TTC31: variants seen among roughly 807,000 people sequenced by gnomAD.
TTC31 encodes the protein tetratricopeptide repeat domain 31, also known as tetratricopeptide repeat protein 31.
TTC31 carries 59 observed loss-of-function variants against 60.4 expected under a neutral mutation model. The ratio of observed to expected loss-of-function variants is 0.98; its 90% confidence interval spans 0.79 to 1.21. The LOEUF (loss-of-function observed/expected upper bound fraction) is 1.21. Ranked by LOEUF, TTC31 falls within the 50% of genes most tolerant of loss-of-function variation. The pLI is 0.00. For synonymous variants in TTC31, 225 were observed against 249.6 expected, an observed-to-expected ratio of 0.90 and a Z score of 0.93; for missense variants, 672 against 646.9, an observed-to-expected ratio of 1.04 and a Z score of -0.42.
chr2:74,487,332 C>A (rs957106382), intron 2 of TTC31, among the ~76,000 whole-genome samples: 1 of 152,188 alleles, frequency 6.6e-6, no homozygotes, highest in Non-Finnish European at 1.5e-5. Context: ...AATTCTCCTA[C>A]CTCAGCCTCC....
intron 2 of TTC31, among the ~76,000 whole-genome samples, chr2:74,485,616 G>A (rs1368227776): frequency 1.3e-5 from 2 of 151,096 alleles, no homozygotes; most frequent in South Asian, 2.1e-4. Flanking sequence ...GACTACAGGC[G>A]CCTGCCACCA....
At position 74,491,322 on chromosome 2, in the gene TTC31, A is replaced by G; in HGVS notation, c.631A>G (p.Ser211Gly). ...CAGCACTACCTCAGATGGAGATGAG[A>G]GCCCCCCATCCAGCCCTGGAAACCC... is the stretch of plus-strand genomic sequence containing the variant. ...KASTTSDGDESPPSSPGNPVQ... is the reference protein window; with the variant it reads ...KASTTSDGDEGPPSSPGNPVQ... The change falls in exon 7 of 13, where the codon AGC becomes GGC. Residue 211 changes from serine (S) to glycine (G), a missense_variant. Transcript: ENST00000233623. 2.5e-6 allele frequency: 4 copies of G among 1,614,114 alleles called. No homozygotes were observed. Among genetic ancestry groups the G allele is most frequent in the Non-Finnish European group, 3.4e-6 (4 of 1,180,030 alleles).
At position 74,492,029 on chromosome 2, in the gene TTC31, C is replaced by T. The variant is rs1205492566; in HGVS notation, c.902C>T (p.Ala301Val). Residue 301 changes from alanine to valine, a missense_variant, in exon 9 of 13, where the codon GCC becomes GTC. By Grantham distance (64) the Ala-to-Val change is moderately conservative. Coordinates refer to ENST00000233623, the MANE Select transcript of TTC31 (RefSeq NM_022492.6). ...VQASPGLLAA[A>V]LQQSQELAKL... ...GCATCTCCGGGACTGCTGGCAGCTG[C>T]CTTACAACAGAGCCAGGAACTGGCA... 6.2e-7 allele frequency: 1 copy of T among 1,614,250 alleles called. No individual in the cohort carries two copies. Among genetic ancestry groups the T allele is most frequent in the African/African-American group, 1.3e-5 (1 of 75,072 alleles).
At chr2:74,486,190 C>T (rs1012626333) in intron 2 of TTC31, among the ~76,000 whole-genome samples, 1 of 151,846 alleles carries the variant, frequency 6.6e-6, no homozygotes, top group Admixed American at 6.6e-5. Flanking sequence ...TGCTTGAACC[C>T]AGGAGATGGA....
In TTC31 at chr2:74,493,854, A is replaced by G. The variant is rs1206457465; in HGVS notation, c.*636A>G. On this transcript the variant is annotated 3_prime_UTR_variant, in exon 13 of 13. Coordinates refer to ENST00000233623, the MANE Select transcript of TTC31 (RefSeq NM_022492.6). ...AAGTCCCTTACCAGCTCCTGCTTAGAGCTGGTAGGGCCATACATGTCCACA... is the reference window on the plus strand; with the variant it reads ...AAGTCCCTTACCAGCTCCTGCTTAGGGCTGGTAGGGCCATACATGTCCACA... 6.6e-6 allele frequency: 1 copy of G among 152,314 alleles called. No individual in the cohort carries two copies. The highest frequency in any genetic ancestry group is 1.5e-5 in the Non-Finnish European group (1 of 68,166). 9.4% of individuals were successfully genotyped at this position (152,314 alleles called of 1,614,324 possible).
chr2:74,488,990 A>C (rs987622720), intron 2 of TTC31, among the ~76,000 whole-genome samples: 2 of 152,198 alleles, frequency 1.3e-5, no homozygotes, highest in African/African-American at 4.8e-5. Flanking sequence ...CGGGAGGCAG[A>C]GGTTGCAGTG....
Position 74,493,104 on chromosome 2 carries a change from C to G in TTC31, c.1446C>G (p.Asn482Lys). 1.2e-6 allele frequency: 2 copies of G among 1,614,162 alleles called. No individual in the cohort carries two copies. The highest frequency in any genetic ancestry group is 1.7e-5 in the Admixed American group (1 of 60,016). The change falls in exon 13 of 13, where the codon AAC (asparagine) becomes AAG (lysine). Residue 482 changes from asparagine to lysine, a missense_variant. Transcript: ENST00000233623. ...HYPSCHRSHP[N>K]QPLSQTQSRR... Reference sequence around the variant, plus strand: ...CTTCATGTCACCGAAGCCACCCCAACCAGCCCCTCTCCCAGACTCAGAGTA... The same window carrying G: ...CTTCATGTCACCGAAGCCACCCCAAGCAGCCCCTCTCCCAGACTCAGAGTA...
At position 74,491,035 on chromosome 2, in the gene TTC31, A is replaced by G; in HGVS notation, c.547-93A>G. On this transcript the variant is annotated intron_variant, in intron 5 of 12. Coordinates refer to ENST00000233623, the MANE Select transcript of TTC31 (RefSeq NM_022492.6). Reference sequence around the variant, plus strand: ...TGAGGATAATAATGATGCCTGTCTCATAGAGCTGCAAAGATGGAATGCGAA... The same window carrying G: ...TGAGGATAATAATGATGCCTGTCTCGTAGAGCTGCAAAGATGGAATGCGAA... The G allele has an allele frequency of 2.0e-6, 3 of 1,525,904 alleles. No individual in the cohort carries two copies. The South Asian group carries it at 3.4e-5, about 17-fold the overall frequency. The allele number at this position is 1,525,904 out of a possible 1,614,324, so 94.5% of individuals were successfully genotyped here. A position where few individuals can be genotyped will look rare whatever the true frequency, so the allele number is the denominator to read the frequency against.
chr2:74,493,966 G>C lies in TTC31; in HGVS notation c.*748G>C, dbSNP rs901278084. ...TTGGCCACTCTGTTTCTCCACCCCA[G>C]CACTGGGCATGGTAATTAGCCTTTC... On this transcript the variant is annotated 3_prime_UTR_variant, in exon 13 of 13. Transcript: ENST00000233623. The C allele has an allele frequency of 6.6e-5, 10 of 152,244 alleles. No homozygotes were observed. Among genetic ancestry groups the C allele is most frequent in the African/African-American group, 2.4e-4 (10 of 41,444 alleles). The allele number at this position is 152,244 out of a possible 1,614,324, so 9.4% of individuals were successfully genotyped here.
rs777056785 is a variant in TTC31, at chr2:74,490,287, A to G, written c.276A>G (p.Gly92=). The G allele has an allele frequency of 6.2e-7, 1 of 1,614,126 alleles. No homozygotes were observed. The highest frequency in any genetic ancestry group is 1.1e-5 in the South Asian group (1 of 91,084). ...GHLDDEGKST[G]QSDRGKGAEG... is the part of the protein sequence containing the mutation. The stretch of plus-strand genomic sequence containing the variant: ...TGGATGATGAAGGGAAATCAACTGG[A>G]CAGAGTGACAGGGGCAAGGGGGCTG... Residue 92 remains glycine (G), a synonymous_variant, in exon 4 of 13, where the codon GGA becomes GGG. Transcript: ENST00000233623.
rs550509978 is a variant in TTC31 at position 74,492,692 on chromosome 2, G to T, written c.1208G>T (p.Gly403Val). 2 of 1,614,188 alleles carry T rather than the reference G, an allele frequency of 1.2e-6. No homozygotes were observed. The highest frequency in any genetic ancestry group is 1.1e-5 in the South Asian group (1 of 91,082). ...AAVFQETLRG[G>V]SQPDAARELR... The stretch of plus-strand genomic sequence containing the variant: ...GTGTTTCAGGAAACTCTGAGAGGTG[G>T]GTCCCAGCCTGACGCAGCCCGAGAG... Residue 403 changes from glycine to valine, a missense_variant, in exon 12 of 13, where the codon GGG becomes GTG. Coordinates refer to ENST00000233623, the MANE Select transcript of TTC31 (RefSeq NM_022492.6).
In TTC31 at chr2:74,485,024, CTT is replaced by C. The variant is rs544658393; in HGVS notation, c.129+1633_129+1634del. On this transcript the variant is annotated intron_variant, in intron 2 of 12. Coordinates refer to ENST00000233623, the MANE Select transcript of TTC31 (RefSeq NM_022492.6). The stretch of plus-strand genomic sequence containing the variant: ...ACATTTAGTTAGTCACTAAAATTTA[CTT>C]TTTTTTTTTTTTTTTTTTGAGACAG... Among the ~76,000 whole-genome samples the C allele has an allele frequency of 1.2e-3, 143 of 122,898 alleles. 1 individual carries two copies. The highest frequency in any genetic ancestry group is 4.1e-3 in the African/African-American group (134 of 32,930). 80.6% of individuals were successfully genotyped at this position (122,898 alleles called of 152,430 possible).
Position 74,491,190 on chromosome 2 carries a change from T to C in TTC31, c.603+6T>C, listed in dbSNP as rs1249183096. 1.2e-6 allele frequency: 2 copies of C among 1,613,852 alleles called. No individual in the cohort carries two copies. Among genetic ancestry groups the C allele is most frequent in the Admixed American group, 1.7e-5 (1 of 59,962 alleles). On this transcript the variant is annotated splice_donor_region_variant and intron_variant, in intron 6 of 12. Transcript: ENST00000233623. ...AGTACTGTGGGGAGCCCAAGGTGAGTATCTAGGGCAGGTACTAAGAGCACC... is the reference window on the plus strand; with the variant it reads ...AGTACTGTGGGGAGCCCAAGGTGAGCATCTAGGGCAGGTACTAAGAGCACC...
In TTC31 at chr2:74,490,758, G is replaced by C; in HGVS notation, c.546+19G>C. On this transcript the variant is annotated intron_variant, in intron 5 of 12. Coordinates refer to ENST00000233623, the MANE Select transcript of TTC31 (RefSeq NM_022492.6). ...GAAGAAGGTGGCTAGAGCATGGCTG[G>C]AGGGTGCAGGGGAGCCAAAGGGATT... 1 of 1,607,494 alleles carries C rather than the reference G, an allele frequency of 6.2e-7. No homozygotes were observed. The highest frequency in any genetic ancestry group is 8.5e-7 in the Non-Finnish European group (1 of 1,176,698).
chr2:74,487,882 G>T (rs1211180116), intron 2 of TTC31, among the ~76,000 whole-genome samples: 2 of 152,002 alleles, frequency 1.3e-5, no homozygotes, highest in Non-Finnish European at 2.9e-5. Context: ...GTTTCGCCAT[G>T]TTGGCCAGGC....
Position 74,491,991 on chromosome 2 carries a change from A to G in TTC31, c.877-13A>G, listed in dbSNP as rs1673952096. ...GACCTCAAGACCTGCTTGACTTTGC[A>G]CCCTATCCCCAGGCATCTCCGGGAC... is the stretch of plus-strand genomic sequence containing the variant. On this transcript the variant is annotated splice_polypyrimidine_tract_variant and intron_variant, in intron 8 of 12. Coordinates refer to ENST00000233623, the MANE Select transcript of TTC31 (RefSeq NM_022492.6). 1 of 1,613,968 alleles carries G rather than the reference A, an allele frequency of 6.2e-7. No homozygotes were observed. The highest frequency in any genetic ancestry group is 1.7e-5 in the Admixed American group (1 of 59,996).
chr2:74,486,696 C>T (rs1247182608), intron 2 of TTC31, among the ~76,000 whole-genome samples: 3 of 152,078 alleles, frequency 2.0e-5, no homozygotes, highest in Non-Finnish European at 4.4e-5. Flanking sequence ...AGTTTGAGAC[C>T]AGCCTGACCA....
At chr2:74,492,621 CT>C in intron 11 of TTC31, 24 bp from the exon 12 acceptor site, 1 of 1,613,104 alleles carries the variant, frequency 6.2e-7, no homozygotes. Flanking sequence ...CTAATCTTTT[CT>C]TTCTGATCCC....
chr2:74,491,706 C>A, intron 8 of TTC31, 34 bp downstream of exon 8: 1 of 1,607,134 alleles, frequency 6.2e-7, no homozygotes, highest in African/African-American at 1.3e-5. Context: ...TCAGCTGGAA[C>A]CGTGGAAGGG....
Sources: gnomAD v4.1 joint callset for allele counts (sites outside exome capture counted in the v4.1 genomes callset) on GRCh38, gnomAD v4.1.1 for gene constraint, MANE v1.5 for transcripts, NCBI Gene and HGNC (gene_info 2026-07-23, HGNC 2026-07-21) for gene names.